The following OGDHL variants were observed in gnomAD, a reference collection of about 807,000 sequenced individuals.
OGDHL encodes oxoglutarate dehydrogenase L.
A neutral mutation model predicts 109.6 loss-of-function variants in OGDHL; 79 were observed. The ratio of observed to expected loss-of-function variants is 0.72; its 90% CI spans 0.60 to 0.87. The LOEUF (loss-of-function observed/expected upper bound fraction) is 0.87, where lower values mean the gene tolerates loss of function less well. OGDHL is among the 40% of genes least tolerant of loss of function. The probability of loss-of-function intolerance (pLI) is 0.00; values close to 1 mark genes in which losing one functional copy is unlikely to be tolerated. For missense variants in OGDHL, 1,275 were observed against 1,362.2 expected (o/e 0.94, Z 1.01); for synonymous variants, 528 against 537.2 (o/e 0.98, Z 0.24).
At chr10:49,759,541 C>A (rs973173740) in intron 1 of OGDHL, among the ~76,000 whole-genome samples, 1 of 152,172 alleles carries the variant, frequency 6.6e-6, no homozygotes, top group African/African-American at 2.4e-5. Context: ...CTCTGCCAAT[C>A]CTGGAGAACC....
Position 49,751,829 on chromosome 10 carries a change from C to T in OGDHL, c.747G>A (p.Met249Ile). ...TTGGCCCTCCAGGTGGTGCCAACCT[C>T]ATGGAGCGCACTAGCCGGGCCAGCA... is the stretch of plus-strand genomic sequence containing the variant. Reference protein sequence around the residue: ...RTLLARLVRSMRFEDFLARKW... With the variant: ...RTLLARLVRSIRFEDFLARKW... Residue 249 changes from methionine to isoleucine, a missense_variant and splice_region_variant, in exon 6 of 23, where the codon ATG becomes ATA. By Grantham distance (10) the Met-to-Ile change is conservative. Transcript: ENST00000374103. The T allele has an allele frequency of 6.2e-7, 1 of 1,613,486 alleles. No homozygotes were observed. Among genetic ancestry groups the T allele is most frequent in the Non-Finnish European group, 8.5e-7 (1 of 1,179,822 alleles).
Position 49,737,844 on chromosome 10 carries a change from T to G in OGDHL, c.2532A>C (p.Thr844=), listed in dbSNP as rs41281971. The G allele has an allele frequency of 1.5e-3, 2,398 of 1,614,004 alleles. 9 individuals are homozygous for G. Among genetic ancestry groups the G allele is most frequent in the Middle Eastern group, 4.0e-3 (24 of 6,062 alleles). ...CTGGGTGCCTCAGCAGAGATTTAGG[T>G]GTGAAGATAATCAGCTGGAAGGGAA... The part of the protein sequence containing the change: ...LPFRKPLIIF[T]PKSLLRHPEA... The change falls in exon 20 of 23, where the codon ACA becomes ACC. Residue 844 remains threonine (T), a synonymous_variant. Transcript: ENST00000374103.
intron 3 of OGDHL, among the ~76,000 whole-genome samples, chr10:49,753,397 G>A (rs1013493576): frequency 6.6e-6 from 1 of 152,150 alleles, no homozygotes; most frequent in Non-Finnish European, 1.5e-5. Context: ...TTCAAACCTT[G>A]TAAATATTTT....
At position 49,735,707 on chromosome 10, in the gene OGDHL, C is replaced by T. The variant is rs563631498; in HGVS notation, c.2909+316G>A. On this transcript the variant is annotated intron_variant, in intron 22 of 22. Transcript: ENST00000374103. ...GAACACATGATGCCAGTATTGGGAA[C>T]GCACCATGTGCCAGAGCTAATACAT... Among the ~76,000 whole-genome samples, 12 of 152,346 alleles carry T rather than the reference C, an allele frequency of 7.9e-5. No homozygotes were observed. In the South Asian group the frequency reaches 2.1e-3, roughly 26 times the overall value.
intron 14 of OGDHL, chr10:49,743,488 G>A (rs191632712): frequency 1.9e-4 from 32 of 166,794 alleles, no homozygotes; most frequent in Middle Eastern, 5.9e-3. Flanking sequence ...GGGACCCTCC[G>A]GACTTCCCAG....
At chr10:49,759,201 G>C (rs1843111687) in intron 1 of OGDHL, among the ~76,000 whole-genome samples, 1 of 152,146 alleles carries the variant, frequency 6.6e-6, no homozygotes, top group African/African-American at 2.4e-5. Context: ...GCAATCCTGG[G>C]CCAGAGTGCC....
chr10:49,744,680 T>C lies in OGDHL; in HGVS notation c.1702A>G (p.Ile568Val), dbSNP rs1245451811. 4 of 1,614,176 alleles carry C rather than the reference T, an allele frequency of 2.5e-6. No homozygotes were observed. Among genetic ancestry groups the C allele is most frequent in the Non-Finnish European group, 3.4e-6 (4 of 1,180,010 alleles). Reference protein sequence around the residue: ...GRSKDKKILHIKHWLDSPWPG... With the variant: ...GRSKDKKILHVKHWLDSPWPG... Reference sequence around the variant, plus strand: ...CAGGGGGAGTCCAACCAGTGCTTTATATGCAGAATCTTTTTATCCTTGGAC... The same window carrying C: ...CAGGGGGAGTCCAACCAGTGCTTTACATGCAGAATCTTTTTATCCTTGGAC... The change falls in exon 13 of 23, where the codon ATA becomes GTA. Residue 568 changes from isoleucine (I) to valine (V), a missense_variant. Coordinates refer to ENST00000374103, the MANE Select transcript of OGDHL (RefSeq NM_018245.3).
intron 7 of OGDHL, among the ~76,000 whole-genome samples, chr10:49,750,302 A>G (rs1220883939): frequency 6.6e-6 from 1 of 152,156 alleles, no homozygotes; most frequent in Non-Finnish European, 1.5e-5. Context: ...CCCAGGGTGC[A>G]TTCCCCCTCC....
Position 49,736,047 on chromosome 10 carries a change from A to C in OGDHL, c.2885T>G (p.Ile962Ser). 1 of 1,598,866 alleles carries C rather than the reference A, an allele frequency of 6.3e-7. No individual in the cohort carries two copies. Among genetic ancestry groups the C allele is most frequent in the Non-Finnish European group, 8.5e-7 (1 of 1,172,988 alleles). ...CCATATGGGCCGTGCGCGCCTCAGG[A>C]TGGTCATGAAGCGTGGGCTGATGTA... ...YDYISPRFMTILRRARPIWYV... is the reference protein window; with the variant it reads ...YDYISPRFMTSLRRARPIWYV... The change falls in exon 22 of 23, where the codon ATC becomes AGC. Residue 962 changes from isoleucine to serine, a missense_variant. Transcript: ENST00000374103.
At position 49,746,854 on chromosome 10, in the gene OGDHL, C is replaced by A. The variant is rs775428731; in HGVS notation, c.1192G>T (p.Asp398Tyr). ...KKVMSILVHG[D>Y]AAFAGQGVVY... ...ACGCCCTGGCCAGCAAAGGCGGCGT[C>A]CCCATGAACCAGGATGGACATGACC... Residue 398 changes from aspartate to tyrosine, a missense_variant, in exon 10 of 23, where the codon GAC (aspartate) becomes TAC (tyrosine). Asp to Tyr is a radical substitution (Grantham distance 160, BLOSUM62 -3). Transcript: ENST00000374103. The A allele has an allele frequency of 1.3e-5, 21 of 1,614,052 alleles. No homozygotes were observed. The highest frequency in any genetic ancestry group is 5.9e-6 in the Non-Finnish European group (7 of 1,180,038).
chr10:49,750,428 G>A (rs953383395), intron 7 of OGDHL, among the ~76,000 whole-genome samples: 1 of 152,074 alleles, frequency 6.6e-6, no homozygotes, highest in East Asian at 1.9e-4. Flanking sequence ...AGAGACCCTC[G>A]GCTCACCTCC....
intron 18 of OGDHL, 43 bp downstream of exon 18, chr10:49,738,148 C>G (rs1211607636): frequency 1.2e-6 from 2 of 1,614,122 alleles, no homozygotes; most frequent in Admixed American, 1.7e-5. Flanking sequence ...CCTGTGGGCA[C>G]AATAGGGCGC....
Position 49,745,891 on chromosome 10 carries a change from A to C in OGDHL, c.1383T>G (p.His461Gln). ...CAGCCTCTGGGTCATCGGCATTCAC[A>C]TGGAAGATAGGCGCATTGACCACCC... ...VARVVNAPIF[H>Q]VNADDPEAVI... The change falls in exon 11 of 23, where the codon CAT becomes CAG. Residue 461 changes from histidine to glutamine, a missense_variant. His to Gln is a conservative substitution (Grantham distance 24, BLOSUM62 0). Coordinates refer to ENST00000374103, the MANE Select transcript of OGDHL (RefSeq NM_018245.3). The C allele has an allele frequency of 1.2e-6, 2 of 1,614,128 alleles. No homozygotes were observed. The highest frequency in any genetic ancestry group is 1.7e-6 in the Non-Finnish European group (2 of 1,180,026).
intron 13 of OGDHL, 102 bp downstream of exon 13, chr10:49,744,548 C>CT: frequency 1.1e-6 from 1 of 891,154 alleles, no homozygotes; most frequent in South Asian, 1.5e-5. Context: ...AGCCTCTAGA[C>CT]TAGGCAATGA....
intron 13 of OGDHL, 68 bp from the exon 14 acceptor site, chr10:49,744,190 C>A: frequency 6.4e-7 from 1 of 1,569,916 alleles, no homozygotes; most frequent in Non-Finnish European, 8.6e-7. Context: ...GCCAGCCTGC[C>A]TCCCCAGGAC....
intron 12 of OGDHL, among the ~76,000 whole-genome samples, chr10:49,744,963 G>A (rs967689559): frequency 2.0e-5 from 3 of 152,194 alleles, no homozygotes; most frequent in African/African-American, 2.4e-5. Flanking sequence ...CCTGCAGTGC[G>A]CTCAGCAAGG....
Position 49,744,143 on chromosome 10 carries a change from G to A in OGDHL, c.1733-21C>T, listed in dbSNP as rs1038126654. 5.0e-6 allele frequency: 8 copies of A among 1,611,862 alleles called. No individual in the cohort carries two copies. The African/African-American group carries it at 8.0e-5, about 16-fold the overall frequency. Reference sequence around the variant, plus strand: ...GAAGCCTGAGAGGGAGAGAGGCTCTGTCCACACTGTGTCAGTGGTGGGTTC... The same window carrying A: ...GAAGCCTGAGAGGGAGAGAGGCTCTATCCACACTGTGTCAGTGGTGGGTTC... On this transcript the variant is annotated intron_variant, in intron 13 of 22. Coordinates refer to ENST00000374103, the MANE Select transcript of OGDHL (RefSeq NM_018245.3).
rs1842225146 is a variant in OGDHL at position 49,746,859 on chromosome 10, T to A, written c.1187A>T (p.His396Leu). ...QGKKVMSILV[H>L]GDAAFAGQGV... The stretch of plus-strand genomic sequence containing the variant: ...CTGGCCAGCAAAGGCGGCGTCCCCA[T>A]GAACCAGGATGGACATGACCTGCAG... Residue 396 changes from histidine to leucine, a missense_variant, in exon 10 of 23, where the codon CAT (histidine) becomes CTT (leucine). Coordinates refer to ENST00000374103, the MANE Select transcript of OGDHL (RefSeq NM_018245.3). 6.2e-7 allele frequency: 1 copy of A among 1,614,130 alleles called. No homozygotes were observed. The highest frequency in any genetic ancestry group is 8.5e-7 in the Non-Finnish European group (1 of 1,180,008).
intron 3 of OGDHL, among the ~76,000 whole-genome samples, chr10:49,756,016 G>A (rs1204315358): frequency 1.3e-5 from 2 of 152,194 alleles, no homozygotes; most frequent in Non-Finnish European, 2.9e-5. Flanking sequence ...CCCCAGGTGG[G>A]TGGTGTACAG....
Sources: gnomAD v4.1 joint callset for allele counts (sites outside exome capture counted in the v4.1 genomes callset) on GRCh38, gnomAD v4.1.1 for gene constraint, MANE v1.5 for transcripts, NCBI Gene and HGNC (gene_info 2026-07-23, HGNC 2026-07-21) for gene names.